DAB1: variants seen among roughly 807,000 people sequenced by gnomAD.
DAB1 encodes the protein DAB adaptor protein 1, also known as disabled homolog 1.
A neutral mutation model predicts 64.6 loss-of-function variants in DAB1; 15 were observed. The ratio of observed to expected loss-of-function variants is 0.23; its 90% CI spans 0.16 to 0.36. DAB1 has a LOEUF of 0.36. Among genes scored for constraint, DAB1 ranks in the 10% least tolerant of loss-of-function variants. The pLI is 1.00. For missense variants in DAB1, 596 were observed against 706.7 expected (o/e 0.84, Z 1.78); for synonymous variants, 235 against 251.9 (o/e 0.93, Z 0.64).
chr1:58,129,271 G>A (rs1214242042), intron 5 of DAB1, among the ~76,000 whole-genome samples: 1 of 151,470 alleles, frequency 6.6e-6, no homozygotes, highest in Non-Finnish European at 1.5e-5. Context: ...TTCCCTGATG[G>A]CAGTTTGTAT....
chr1:58,510,723 A>C (rs898710790), intron 2 of DAB1, among the ~76,000 whole-genome samples: 5 of 151,862 alleles, frequency 3.3e-5, no homozygotes, highest in Non-Finnish European at 7.4e-5. Flanking sequence ...AAAACTAAAG[A>C]CTCCACACAC....
intron 5 of DAB1, among the ~76,000 whole-genome samples, chr1:58,005,796 T>C (rs1408042320): frequency 6.6e-6 from 1 of 152,128 alleles, no homozygotes; most frequent in Non-Finnish European, 1.5e-5. Flanking sequence ...AAAAATTAAT[T>C]TGAGGCAAGG....
chr1:58,506,172 T>C (rs768167846), exon 3 of DAB1: 3 of 872,162 alleles, frequency 3.4e-6, no homozygotes, highest in Middle Eastern at 2.2e-4. Flanking sequence ...CTCCATTTGC[T>C]GCCAAAACAC....
chr1:57,569,548 G>A (rs986586383), intron 7 of DAB1, among the ~76,000 whole-genome samples: 5 of 150,308 alleles, frequency 3.3e-5, no homozygotes, highest in Admixed American at 3.3e-4. Context: ...ATTGAACAAT[G>A]AGAACACTCG....
chr1:57,563,590 C>T (rs1054323015), intron 7 of DAB1, among the ~76,000 whole-genome samples: 5 of 152,194 alleles, frequency 3.3e-5, no homozygotes, highest in Non-Finnish European at 5.9e-5. Flanking sequence ...CACTCCCACC[C>T]TAATACTGTG....
chr1:57,565,345 C>T (rs1438904282), intron 7 of DAB1, among the ~76,000 whole-genome samples: 1 of 149,478 alleles, frequency 6.7e-6, no homozygotes, highest in African/African-American at 2.5e-5. Context: ...ACCATTGATG[C>T]TAGGAAGAAA....
chr1:57,711,484 G>C (rs978484493), intron 6 of DAB1, among the ~76,000 whole-genome samples: 1 of 152,202 alleles, frequency 6.6e-6, no homozygotes, highest in African/African-American at 2.4e-5. Flanking sequence ...TGGCTCCAGG[G>C]GAATAGGAGT....
chr1:58,293,044 A>G (rs767629354), intron 4 of DAB1, among the ~76,000 whole-genome samples: 6 of 152,320 alleles, frequency 3.9e-5, no homozygotes, highest in Non-Finnish European at 7.4e-5. Context: ...CAGTGAGGCA[A>G]TGATAAAGCA....
At position 57,922,845 on chromosome 1, in the gene DAB1, C is replaced by CAAAAAAAAAAA. The variant is rs367897659; in HGVS notation, n.388-38694_388-38684dup. On this transcript the variant is annotated intron_variant and non_coding_transcript_variant, in intron 5 of 20. Coordinates refer to the DAB1 transcript ENST00000485760. ...TGGGTGACAAAGCGAGACTCCATCT[C>CAAAAAAAAAAA]AAAAAAAAAAAAAAAAAAAAAAAGA... is the stretch of plus-strand genomic sequence containing the variant. Among the ~76,000 whole-genome samples the CAAAAAAAAAAA allele has an allele frequency of 4.4e-4, 20 of 45,010 alleles. 1 individual carries two copies. The highest frequency in any genetic ancestry group is 1.9e-3 in the African/African-American group (17 of 8,854). The allele number at this position is 45,010 out of a possible 152,430, so 29.5% of individuals were successfully genotyped here.
At chr1:58,066,371 C>T (rs546467897) in intron 5 of DAB1, among the ~76,000 whole-genome samples, 8 of 152,240 alleles carry the variant, frequency 5.3e-5, no homozygotes, top group Admixed American at 4.6e-4. Flanking sequence ...ATTTGTTAGG[C>T]TTAAAACTCT....
chr1:57,032,069 G>A (rs1236684909), intron 9 of DAB1, among the ~76,000 whole-genome samples: 1 of 152,154 alleles, frequency 6.6e-6, no homozygotes, highest in African/African-American at 2.4e-5. Context: ...GTAATATCTA[G>A]TTCAAGATTA....
At chr1:58,202,216 T>G (rs1389785315) in intron 4 of DAB1, among the ~76,000 whole-genome samples, 1 of 152,252 alleles carries the variant, frequency 6.6e-6, no homozygotes, top group Non-Finnish European at 1.5e-5. Context: ...TCAGAGTTGT[T>G]ACTTAATCAA....
intron 4 of DAB1, among the ~76,000 whole-genome samples, chr1:58,290,559 A>C (rs1298460591): frequency 6.6e-6 from 1 of 151,738 alleles, no homozygotes; most frequent in Non-Finnish European, 1.5e-5. Context: ...AGTAGTTGTA[A>C]AAAAAAATTG....
chr1:57,851,374 A>C (rs890348935), intron 1 of DAB1, among the ~76,000 whole-genome samples: 1 of 152,224 alleles, frequency 6.6e-6, no homozygotes, highest in African/African-American at 2.4e-5. Context: ...CAATAGGACA[A>C]TGAAGACAAA....
At chr1:57,407,767 A>AGTGT (rs3991224) in intron 1 of DAB1, among the ~76,000 whole-genome samples, 1,875 of 146,986 alleles carry the variant, frequency 0.013, 14 homozygotes, top group Middle Eastern at 0.018. Context: ...AGATATCTGA[A>AGTGT]GTGTGTGTGT....
At chr1:57,291,812 T>A (rs1672799908) in intron 1 of DAB1, among the ~76,000 whole-genome samples, 1 of 152,206 alleles carries the variant, frequency 6.6e-6, no homozygotes. Flanking sequence ...CTCTAATAAA[T>A]GTGCATTGAA....
At chr1:57,086,962 A>G (rs1243754250) in intron 4 of DAB1, among the ~76,000 whole-genome samples, 1 of 152,150 alleles carries the variant, frequency 6.6e-6, no homozygotes, top group Non-Finnish European at 1.5e-5. Context: ...TGTGGTGTCC[A>G]TCGATGTCCC....
intron 3 of DAB1, among the ~76,000 whole-genome samples, chr1:57,143,624 T>C (rs55750012): frequency 0.011 from 1,637 of 152,228 alleles, 28 homozygotes; most frequent in African/African-American, 0.037. Context: ...AAATTAAGTT[T>C]TAAAAATCAT....
intron 3 of DAB1, among the ~76,000 whole-genome samples, chr1:58,438,958 G>A (rs760763361): frequency 7.9e-5 from 12 of 152,200 alleles, no homozygotes; most frequent in East Asian, 1.9e-4. Context: ...CACTATGGGC[G>A]AGGCAGTGTG....
Sources: allele counts gnomAD v4.1 joint callset (sites outside exome capture counted in the v4.1 genomes callset), GRCh38; gene constraint gnomAD v4.1.1; transcripts MANE v1.5; gene names NCBI Gene and HGNC (gene_info 2026-07-23, HGNC 2026-07-21).